The following PRDM5 variants were observed in gnomAD, a reference collection of about 807,000 sequenced individuals.
The protein encoded by PRDM5 is PR domain zinc finger protein 5.
PRDM5 carries 56 observed loss-of-function variants against 81.2 expected under a neutral mutation model. The ratio of observed to expected loss-of-function variants is 0.69; its 90% CI spans 0.56 to 0.86. The LOEUF (loss-of-function observed/expected upper bound fraction) is 0.86. PRDM5 is among the 40% of genes least tolerant of loss of function. The pLI, the probability that PRDM5 is intolerant of heterozygous loss-of-function variation, is 0.00. For missense variants in PRDM5, 697 were observed against 770.1 expected (o/e 0.91, Z 1.12); for synonymous variants, 267 against 256.4 (o/e 1.04, Z -0.39).
intron 10 of PRDM5, among the ~76,000 whole-genome samples, chr4:120,794,079 C>T (rs1417826887): frequency 6.6e-6 from 1 of 152,180 alleles, no homozygotes; most frequent in African/African-American, 2.4e-5. Context: ...TCTGTGGTTC[C>T]TTCTGTCAGA....
chr4:120,776,930 T>A (rs1748235382), intron 13 of PRDM5, among the ~76,000 whole-genome samples: 1 of 152,200 alleles, frequency 6.6e-6, no homozygotes, highest in Admixed American at 6.5e-5. Flanking sequence ...ATCATATAGA[T>A]GTTAATCACA....
At chr4:120,880,731 C>T (rs1398797142) in intron 2 of PRDM5, among the ~76,000 whole-genome samples, 5 of 152,030 alleles carry the variant, frequency 3.3e-5, no homozygotes, top group Admixed American at 1.3e-4. Context: ...TTAAAATATT[C>T]CAATATGTAA....
Position 120,763,654 on chromosome 4 carries a change from T to C in PRDM5, c.1538-9016A>G, listed in dbSNP as rs28363728. 8.2e-3 allele frequency among the ~76,000 whole-genome samples: 1,244 copies of C among 152,286 alleles called. 19 individuals are homozygous for C. The highest frequency in any genetic ancestry group is 0.029 in the African/African-American group (1,189 of 41,556). On this transcript the variant is annotated intron_variant, in intron 13 of 15. Coordinates refer to ENST00000264808, the MANE Select transcript of PRDM5 (RefSeq NM_018699.4). The stretch of plus-strand genomic sequence containing the variant: ...CTTTATCATTGATGTGGTTTTGTTG[T>C]TAGGGAGTCAGAATTTGGTGAGAAA...
intron 13 of PRDM5, among the ~76,000 whole-genome samples, chr4:120,769,133 C>T (rs17413816): frequency 0.02 from 2,986 of 152,260 alleles, 43 homozygotes; most frequent in Non-Finnish European, 0.031. Flanking sequence ...ACCCATGCAT[C>T]CTTTTTACTA....
At chr4:120,771,221 G>A (rs77874173) in intron 13 of PRDM5, among the ~76,000 whole-genome samples, 4,822 of 152,062 alleles carry the variant, frequency 0.032, 89 homozygotes, top group Middle Eastern at 0.041. Context: ...ATTATTGCCC[G>A]CAACCTCTCT....
At chr4:120,708,092 C>T (rs1736459540) in intron 15 of PRDM5, among the ~76,000 whole-genome samples, 1 of 152,054 alleles carries the variant, frequency 6.6e-6, no homozygotes, top group Non-Finnish European at 1.5e-5. Flanking sequence ...AACAGTATGT[C>T]AGTTCCCGAA....
chr4:120,740,029 T>C (rs1741684064), intron 14 of PRDM5, among the ~76,000 whole-genome samples: 1 of 152,114 alleles, frequency 6.6e-6, no homozygotes, highest in African/African-American at 2.4e-5. Context: ...CAAAAGAAAA[T>C]GCCTTATTGT....
intron 14 of PRDM5, among the ~76,000 whole-genome samples, chr4:120,718,100 A>G (rs927875014): frequency 6.6e-6 from 1 of 152,196 alleles, no homozygotes; most frequent in Non-Finnish European, 1.5e-5. Flanking sequence ...TTGCGAGTGA[A>G]ACACTAGCTC....
At chr4:120,795,080 C>A (rs953211135) in intron 10 of PRDM5, among the ~76,000 whole-genome samples, 8 of 152,204 alleles carry the variant, frequency 5.3e-5, no homozygotes, top group Non-Finnish European at 1.2e-4. Flanking sequence ...TCCTCATAAG[C>A]CTCTAAAGTT....
intron 3 of PRDM5, among the ~76,000 whole-genome samples, chr4:120,833,169 T>C (rs1486764464): frequency 6.6e-6 from 1 of 152,178 alleles, no homozygotes; most frequent in Non-Finnish European, 1.5e-5. Context: ...GATCCAAAAA[T>C]ATTCAATGAC....
In PRDM5 at chr4:120,708,171, C is replaced by A. The variant is rs1361646994; in HGVS notation, c.1728+2138G>T. On this transcript the variant is annotated intron_variant, in intron 15 of 15. Transcript: ENST00000264808. ...GGTATATACCCCAAATAATTGAAAA[C>A]AGGTACTCAAATACTTGTATGCCCA... is the stretch of plus-strand genomic sequence containing the variant. Among the ~76,000 whole-genome samples the A allele has an allele frequency of 2.0e-5, 3 of 152,088 alleles. No individual in the cohort carries two copies. In the East Asian group the frequency reaches 5.8e-4, roughly 29 times the overall value.
rs529745409 is a variant in PRDM5, at chr4:120,802,555, C to T, written c.946-2810G>A. On this transcript the variant is annotated intron_variant, in intron 8 of 15. Coordinates refer to ENST00000264808, the MANE Select transcript of PRDM5 (RefSeq NM_018699.4). ...GCAACATTTGCTATTCAGCAATATT[C>T]GCTGTTGTGCAGCCTCTGCTGCTGA... 3.3e-4 allele frequency among the ~76,000 whole-genome samples: 50 copies of T among 152,322 alleles called. No homozygotes were observed. The South Asian group carries it at 6.4e-3, about 20-fold the overall frequency.
chr4:120,902,627 T>C (rs1217920956), intron 2 of PRDM5, among the ~76,000 whole-genome samples: 3 of 152,218 alleles, frequency 2.0e-5, no homozygotes, highest in Non-Finnish European at 4.4e-5. Flanking sequence ...CTTTGTAATA[T>C]GCCTGAGGCC....
chr4:120,801,592 T>C (rs1188300414), intron 8 of PRDM5, among the ~76,000 whole-genome samples: 5 of 152,362 alleles, frequency 3.3e-5, no homozygotes, highest in Admixed American at 2.6e-4. Context: ...TCTCCCCGCT[T>C]AGATGCAATG....
At chr4:120,921,329 T>A (rs1305163015) in intron 1 of PRDM5, among the ~76,000 whole-genome samples, 9 of 152,238 alleles carry the variant, frequency 5.9e-5, no homozygotes, top group Non-Finnish European at 1.2e-4. Context: ...TTCAGATAAA[T>A]TATTTATTCC....
intron 3 of PRDM5, among the ~76,000 whole-genome samples, chr4:120,837,142 C>T (rs1757454868): frequency 6.6e-6 from 1 of 152,116 alleles, no homozygotes; most frequent in Admixed American, 6.6e-5. Flanking sequence ...CAGGATACTA[C>T]AACTACCTGA....
intron 2 of PRDM5, among the ~76,000 whole-genome samples, chr4:120,856,125 A>G (rs1759851793): frequency 6.6e-6 from 1 of 152,178 alleles, no homozygotes; most frequent in Non-Finnish European, 1.5e-5. Flanking sequence ...ATTCAGTATT[A>G]GCAACTTATT....
intron 1 of PRDM5, among the ~76,000 whole-genome samples, chr4:120,908,128 G>A (rs370570078): frequency 6.6e-6 from 1 of 152,182 alleles, no homozygotes; most frequent in Non-Finnish European, 1.5e-5. Flanking sequence ...AGAAACACCC[G>A]TGTTACTAGT....
At position 120,884,910 on chromosome 4, in the gene PRDM5, T is replaced by C. The variant is rs556399969; in HGVS notation, c.177+22564A>G. Among the ~76,000 whole-genome samples the C allele has an allele frequency of 3.0e-3, 461 of 151,620 alleles. 1 individual carries two copies. The highest frequency in any genetic ancestry group is 5.9e-3 in the South Asian group (28 of 4,780). On this transcript the variant is annotated intron_variant, in intron 2 of 15. Transcript: ENST00000264808. ...CGGGCGCGGTGGCTCATGCCTGTAA[T>C]CCCAGCGAGTCGGGTGGATCACGAG...
Sources: gnomAD v4.1 joint callset for allele counts (sites outside exome capture counted in the v4.1 genomes callset) on GRCh38, gnomAD v4.1.1 for gene constraint, MANE v1.5 for transcripts, NCBI Gene and HGNC (gene_info 2026-07-23, HGNC 2026-07-21) for gene names.